The following PHACTR1 variants were observed in gnomAD, a reference collection of about 807,000 sequenced individuals.
PHACTR1 encodes RPEL repeat containing 1.
A neutral mutation model predicts 69.2 loss-of-function variants in PHACTR1; 16 were observed. That is an observed-to-expected ratio of 0.23 (90% CI 0.16 to 0.35). PHACTR1 has a LOEUF of 0.35. Ranked by LOEUF, PHACTR1 falls within the 10% of genes least tolerant of loss-of-function variation. PHACTR1 has a pLI of 1.00. For synonymous variants in PHACTR1, 312 were observed against 284.5 expected (o/e 1.10, Z -0.97); for missense variants, 510 against 734.7 (o/e 0.69, Z 3.54).
intron 5 of PHACTR1, among the ~76,000 whole-genome samples, chr6:13,136,788 G>C (rs185627104): frequency 6.6e-6 from 1 of 152,328 alleles, no homozygotes. Flanking sequence ...GAGGGAGAAA[G>C]ATAGGAAATG....
chr6:13,168,491 G>A (rs1217640346), intron 6 of PHACTR1, among the ~76,000 whole-genome samples: 1 of 152,176 alleles, frequency 6.6e-6, no homozygotes, highest in Non-Finnish European at 1.5e-5. Context: ...TTGTGTTTCA[G>A]GCACCATCCT....
intron 4 of PHACTR1, among the ~76,000 whole-genome samples, chr6:12,796,618 T>TCTCTGCAGACACTTAAGGAGAGAA (rs1400844008): frequency 3.3e-5 from 5 of 152,164 alleles, no homozygotes; most frequent in African/African-American, 7.2e-5. Context: ...GTGTGCAGAG[T>TCTCTGCAGACACTTAAGGAGAGAA]CTCTGCAGAC....
chr6:13,131,188 C>CACATATATATAT (rs1480345442), intron 5 of PHACTR1, among the ~76,000 whole-genome samples: 1 of 60,908 alleles, frequency 1.6e-5, no homozygotes, highest in African/African-American at 6.7e-5. Flanking sequence ...TACACACACA[C>CACATATATATAT]ACACATATAT....
intron 4 of PHACTR1, among the ~76,000 whole-genome samples, chr6:12,809,357 C>T (rs1038139509): frequency 4.6e-5 from 7 of 152,146 alleles, no homozygotes; most frequent in African/African-American, 1.4e-4. Context: ...ATTCCACACC[C>T]AGCCCCATTC....
At chr6:13,150,597 A>G (rs1376185832) in intron 5 of PHACTR1, among the ~76,000 whole-genome samples, 13 of 152,154 alleles carry the variant, frequency 8.5e-5, no homozygotes. Flanking sequence ...AGACATTCAG[A>G]GTTGCATTCT....
intron 4 of PHACTR1, among the ~76,000 whole-genome samples, chr6:12,862,024 T>C (rs1009738921): frequency 2.0e-5 from 3 of 152,178 alleles, no homozygotes; most frequent in Admixed American, 6.5e-5. Flanking sequence ...CAATAATTTA[T>C]ATGTTAGTGG....
At chr6:13,154,813 T>C (rs1226848967) in intron 5 of PHACTR1, among the ~76,000 whole-genome samples, 2 of 152,148 alleles carry the variant, frequency 1.3e-5, no homozygotes, top group East Asian at 3.8e-4. Flanking sequence ...TCTTCTAAAT[T>C]CTTTAACTTT....
rs116786027 is a variant in PHACTR1 at position 13,011,343 on chromosome 6, A to T, written c.251-42022A>T. ...AAACAGCCACATGTTGCTAGTGGATACTATATTGCATAGCACCATTAGAGG... is the reference window on the plus strand; with the variant it reads ...AAACAGCCACATGTTGCTAGTGGATTCTATATTGCATAGCACCATTAGAGG... On this transcript the variant is annotated intron_variant, in intron 4 of 14. Transcript: ENST00000332995. 3.3e-3 allele frequency among the ~76,000 whole-genome samples: 497 copies of T among 152,350 alleles called. 2 individuals carry two copies. The highest frequency in any genetic ancestry group is 0.012 in the African/African-American group (481 of 41,582).
At chr6:13,244,142 A>C (rs1773247402) in intron 10 of PHACTR1, among the ~76,000 whole-genome samples, 1 of 152,160 alleles carries the variant, frequency 6.6e-6, no homozygotes, top group African/African-American at 2.4e-5. Context: ...GGGAGACATC[A>C]CACGTTGGTA....
chr6:12,922,700 G>A (rs1345357174), intron 4 of PHACTR1, among the ~76,000 whole-genome samples: 1 of 152,138 alleles, frequency 6.6e-6, no homozygotes, highest in Non-Finnish European at 1.5e-5. Context: ...GTCAGTGGGT[G>A]GTAAGAAGGA....
intron 10 of PHACTR1, among the ~76,000 whole-genome samples, chr6:13,240,438 TTTTTG>T (rs567004417): frequency 6.6e-6 from 1 of 152,004 alleles, no homozygotes; most frequent in Admixed American, 6.6e-5. Context: ...TGTTGTTGTT[TTTTTG>T]TTTTGTTTTG....
At chr6:13,202,110 A>G (rs1289104022) in intron 7 of PHACTR1, among the ~76,000 whole-genome samples, 2 of 152,220 alleles carry the variant, frequency 1.3e-5, no homozygotes, top group African/African-American at 4.8e-5. Flanking sequence ...AGTAAGAACA[A>G]CCGTCTCCAC....
intron 10 of PHACTR1, among the ~76,000 whole-genome samples, chr6:13,254,764 G>T (rs1031189897): frequency 3.9e-5 from 6 of 152,162 alleles, no homozygotes; most frequent in Non-Finnish European, 7.4e-5. Context: ...GTTGACAAAT[G>T]AACTGTACCT....
chr6:12,752,719 C>T (rs1410533302), intron 4 of PHACTR1, among the ~76,000 whole-genome samples: 2 of 152,184 alleles, frequency 1.3e-5, no homozygotes, highest in Non-Finnish European at 2.9e-5. Flanking sequence ...TACACCCTAT[C>T]TCCAACAGTA....
At chr6:13,262,296 G>A (rs1175089175) in intron 10 of PHACTR1, among the ~76,000 whole-genome samples, 2 of 152,180 alleles carry the variant, frequency 1.3e-5, no homozygotes, top group East Asian at 3.8e-4. Flanking sequence ...AAGACCACTT[G>A]GAGAGGAAGA....
intron 8 of PHACTR1, among the ~76,000 whole-genome samples, chr6:13,226,410 G>A (rs979650526): frequency 1.3e-5 from 2 of 152,128 alleles, no homozygotes; most frequent in Admixed American, 1.3e-4. Context: ...TCAAATGTAG[G>A]ACTTACTGAT....
chr6:12,900,949 C>T (rs1349882965), intron 4 of PHACTR1, among the ~76,000 whole-genome samples: 1 of 151,784 alleles, frequency 6.6e-6, no homozygotes, highest in South Asian at 2.1e-4. Flanking sequence ...TCTTTTTTTA[C>T]GAAGGGCAGT....
chr6:13,283,971 C>T lies in PHACTR1; in HGVS notation c.1650+409C>T, dbSNP rs435465. 42,607 of 186,276 alleles carry T rather than the reference C, an allele frequency of 0.23. 8,420 individuals carry two copies. Among genetic ancestry groups the T allele is most frequent in the African/African-American group, 0.56 (23,799 of 42,448 alleles). The allele number at this position is 186,276 out of a possible 1,614,324, so 11.5% of individuals were successfully genotyped here. ...GAGAAGACAAAGTAGACGCATAACCCCAGGAGGGAAATAGGGCATAAATCA... is the reference window on the plus strand; with the variant it reads ...GAGAAGACAAAGTAGACGCATAACCTCAGGAGGGAAATAGGGCATAAATCA... On this transcript the variant is annotated intron_variant, in intron 13 of 14. Transcript: ENST00000332995. The surrounding 1 kb of genome is among the most constrained non-coding windows in gnomAD (Gnocchi z 4.7).
chr6:13,090,836 A>T (rs888404492), intron 5 of PHACTR1, among the ~76,000 whole-genome samples: 27 of 152,188 alleles, frequency 1.8e-4, no homozygotes, highest in African/African-American at 5.3e-4. Flanking sequence ...TTGGAAGACA[A>T]CATTTCTGCA....
Sources: gnomAD v4.1 joint callset for allele counts (sites outside exome capture counted in the v4.1 genomes callset) on GRCh38, gnomAD v4.1.1 for gene constraint, Gnocchi (gnomAD v3.1) non-coding constraint, MANE v1.5 for transcripts, NCBI Gene and HGNC (gene_info 2026-07-23, HGNC 2026-07-21) for gene names.